PRKDC: variants seen among roughly 807,000 people sequenced by gnomAD.
PRKDC encodes protein kinase, DNA-activated, catalytic subunit, also known as DNA-dependent protein kinase catalytic subunit.
Under a neutral mutation model 486.9 loss-of-function variants are expected in PRKDC, and 82 were observed. That is an observed-to-expected ratio of 0.17 (90% CI 0.14 to 0.20). The LOEUF (loss-of-function observed/expected upper bound fraction) is 0.20, where lower values mean the gene tolerates loss of function less well. PRKDC is among the 10% of genes least tolerant of loss of function. PRKDC has a pLI of 1.00. For synonymous variants in PRKDC, 1,895 were observed against 1,837.0 expected, an observed-to-expected ratio of 1.03 and a Z score of -0.81; for missense variants, 4,504 against 5,038.2, an observed-to-expected ratio of 0.89 and a Z score of 3.21.
At chr8:47,846,193 A>G (rs2088259451) in intron 54 of PRKDC, among the ~76,000 whole-genome samples, 2 of 152,192 alleles carry the variant, frequency 1.3e-5, no homozygotes, top group Admixed American at 1.3e-4. Flanking sequence ...AGATGGATGG[A>G]TCATTTGAGG....
intron 1 of PRKDC, among the ~76,000 whole-genome samples, chr8:47,959,569 C>T (rs2090775810): frequency 6.6e-6 from 1 of 151,972 alleles, no homozygotes; most frequent in East Asian, 1.9e-4. Flanking sequence ...ATCCCAGCTA[C>T]TCGGGGGGCT....
intron 77 of PRKDC, 181 bp from the exon 78 acceptor site, chr8:47,783,990 G>C: frequency 1.6e-6 from 1 of 611,444 alleles, no homozygotes; most frequent in Non-Finnish European, 2.9e-6. Flanking sequence ...CGGGCACAGT[G>C]GCTCACGCCT....
At chr8:47,943,088 T>G (rs1158577611) in intron 10 of PRKDC, 121 bp downstream of exon 10, 18 of 1,256,664 alleles carry the variant, frequency 1.4e-5, no homozygotes, top group Non-Finnish European at 1.7e-5. Flanking sequence ...ATCTTTCTGC[T>G]TTAAATACTA....
chr8:47,862,572 C>A (rs1218689082), intron 42 of PRKDC, 31 bp from the exon 43 acceptor site: 2 of 1,563,238 alleles, frequency 1.3e-6, no homozygotes, highest in East Asian at 2.3e-5. Context: ...CAAATCAATT[C>A]ACACAACATG....
chr8:47,914,034 T>C lies in PRKDC; in HGVS notation c.2648A>G (p.Tyr883Cys), dbSNP rs778363266. ...VTSSDEMMKS[Y>C]VAWDREKRLS... ...CCGCTTCTCTCTGTCCCAGGCCACA[T>C]AGCTCTTCATCATCTCATCTGAGGA... The change falls in exon 24 of 86, where the codon TAT becomes TGT. Residue 883 changes from tyrosine (Y) to cysteine (C), a missense_variant. Physicochemically the swap from Tyr to Cys is radical, Grantham distance 194. Coordinates refer to ENST00000314191, the MANE Select transcript of PRKDC (RefSeq NM_006904.7). 13 of 1,574,142 alleles carry C rather than the reference T, an allele frequency of 8.3e-6. No individual in the cohort carries two copies. The highest frequency in any genetic ancestry group is 1.1e-5 in the Non-Finnish European group (13 of 1,162,170).
At chr8:47,852,613 G>T in intron 52 of PRKDC, 60 bp downstream of exon 52, 1 of 1,029,964 alleles carries the variant, frequency 9.7e-7, no homozygotes, top group Non-Finnish European at 1.4e-6. Flanking sequence ...AAGTATCAAG[G>T]GTCATAACAA....
intron 32 of PRKDC, among the ~76,000 whole-genome samples, chr8:47,889,914 T>C (rs2089422282): frequency 6.6e-6 from 1 of 152,082 alleles, no homozygotes; most frequent in Non-Finnish European, 1.5e-5. Flanking sequence ...AGGTAACAGA[T>C]ACGTTAATTA....
At position 47,934,062 on chromosome 8, in the gene PRKDC, C is replaced by T. The variant is rs763089720; in HGVS notation, c.1526G>A (p.Arg509His). ...GCCAGTTCTGACTTCCCCTGAAGCA[C>T]GGTGGTCTTCAGATTCAGACTCAGG... ...KGPESESEDHRASGEVRTGKW... is the reference protein window; with the variant it reads ...KGPESESEDHHASGEVRTGKW... Residue 509 changes from arginine to histidine, a missense_variant, in exon 15 of 86, where the codon CGT becomes CAT. Physicochemically the swap from Arg to His is conservative, Grantham distance 29. Transcript: ENST00000314191. 1.3e-4 allele frequency: 211 copies of T among 1,613,526 alleles called. No homozygotes were observed. The highest frequency in any genetic ancestry group is 2.2e-4 in the Admixed American group (13 of 59,966).
chr8:47,798,700 T>G (rs905844539), intron 72 of PRKDC, among the ~76,000 whole-genome samples: 1 of 152,194 alleles, frequency 6.6e-6, no homozygotes, highest in Non-Finnish European at 1.5e-5. Flanking sequence ...CACGAGCCAG[T>G]AATATTGAAG....
At chr8:47,869,350 C>A (rs187481914) in intron 40 of PRKDC, among the ~76,000 whole-genome samples, 54 of 151,838 alleles carry the variant, frequency 3.6e-4, no homozygotes, top group Non-Finnish European at 6.0e-4. Context: ...CAGAACAGGG[C>A]ACCAGGGAGA....
chr8:47,841,393 G>T (rs1051781259), intron 54 of PRKDC, among the ~76,000 whole-genome samples: 1 of 151,558 alleles, frequency 6.6e-6, no homozygotes, highest in Non-Finnish European at 1.5e-5. Flanking sequence ...GGGAGAGGCT[G>T]ATCTACACGC....
At chr8:47,920,883 ATGT>A (rs779509728) in intron 21 of PRKDC, among the ~76,000 whole-genome samples, 24 of 152,184 alleles carry the variant, frequency 1.6e-4, no homozygotes, top group African/African-American at 2.9e-4. Context: ...TACATTCACA[ATGT>A]TGTCCAACCA....
At chr8:47,917,283 AG>A (rs1443176718) in intron 22 of PRKDC, among the ~76,000 whole-genome samples, 1 of 152,122 alleles carries the variant, frequency 6.6e-6, no homozygotes, top group Non-Finnish European at 1.5e-5. Flanking sequence ...TAAGAAAAAA[AG>A]AAATTTTATT....
chr8:47,878,139 CT>C lies in PRKDC; in HGVS notation c.5236-289del, dbSNP rs1262500195. On this transcript the variant is annotated intron_variant, in intron 39 of 85. Coordinates refer to ENST00000314191, the MANE Select transcript of PRKDC (RefSeq NM_006904.7). The stretch of plus-strand genomic sequence containing the variant: ...TTTTTTTTGGAGACACAGTCTTGCT[CT>C]GTTGCCCAGGCTGGAGTGCAGTGAC... Among the ~76,000 whole-genome samples the C allele has an allele frequency of 2.2e-5, 3 of 135,734 alleles. No individual in the cohort carries two copies. The East Asian group carries it at 6.5e-4, about 29-fold the overall frequency. 89.0% of individuals were successfully genotyped at this position (135,734 alleles called of 152,430 possible). A position where few individuals can be genotyped will look rare whatever the true frequency, so the allele number is the denominator to read the frequency against.
intron 58 of PRKDC, among the ~76,000 whole-genome samples, chr8:47,834,984 C>T (rs1408423963): frequency 2.0e-5 from 3 of 151,950 alleles, no homozygotes; most frequent in Admixed American, 2.0e-4. Flanking sequence ...GCCACAGCGC[C>T]CGGCCCCCTG....
At chr8:47,804,296 C>CT (rs767946033) in intron 69 of PRKDC, among the ~76,000 whole-genome samples, 2,111 of 135,868 alleles carry the variant, frequency 0.016, 35 homozygotes, top group Middle Eastern at 0.027. Context: ...GGACATGCCA[C>CT]TTTTTTTTTT....
intron 27 of PRKDC, among the ~76,000 whole-genome samples, chr8:47,900,774 G>A (rs986820813): frequency 3.3e-5 from 5 of 151,968 alleles, no homozygotes; most frequent in South Asian, 2.1e-4. Context: ...GCATGAACCC[G>A]GGAGGTGGAG....
At chr8:47,947,530 G>A (rs1301359560) in intron 7 of PRKDC, among the ~76,000 whole-genome samples, 1 of 152,246 alleles carries the variant, frequency 6.6e-6, no homozygotes, top group Non-Finnish European at 1.5e-5. Flanking sequence ...ACCTTTGGGA[G>A]GGTAAGGCGG....
intron 25 of PRKDC, among the ~76,000 whole-genome samples, chr8:47,910,815 T>C (rs1282126402): frequency 4.1e-5 from 6 of 146,462 alleles, no homozygotes; most frequent in South Asian, 2.1e-4. Flanking sequence ...GCCTGGCACA[T>C]TGAAGTTTAT....
Sources: allele counts gnomAD v4.1 joint callset (sites outside exome capture counted in the v4.1 genomes callset), GRCh38; gene constraint gnomAD v4.1.1; transcripts MANE v1.5; gene names NCBI Gene and HGNC (gene_info 2026-07-23, HGNC 2026-07-21).